Variants in NALF1 observed in about 807,000 individuals in gnomAD.
NALF1 encodes family with sequence similarity 155 member A.
In NALF1, 3 loss-of-function variants were observed where a neutral mutation model predicts 48.4. The observed-to-expected ratio is 0.06, with a 90% CI of 0.03 to 0.16. The LOEUF is 0.16. NALF1 is among the 10% of genes least tolerant of loss of function. The probability of loss-of-function intolerance (pLI) is 1.00; values close to 1 mark genes in which losing one functional copy is unlikely to be tolerated. For missense variants in NALF1, 526 were observed against 571.5 expected, an observed-to-expected ratio of 0.92 and a Z score of 0.81; for synonymous variants, 262 against 245.7, an observed-to-expected ratio of 1.07 and a Z score of -0.62.
At chr13:107,249,675 T>A (rs76359672) in intron 1 of NALF1, among the ~76,000 whole-genome samples, 2,182 of 152,246 alleles carry the variant, frequency 0.014, 56 homozygotes, top group African/African-American at 0.05. Context: ...AATTGAACTT[T>A]TATTTTGTAC....
chr13:107,795,188 TG>T (rs1878382067), intron 1 of NALF1, among the ~76,000 whole-genome samples: 1 of 152,192 alleles, frequency 6.6e-6, no homozygotes, highest in Non-Finnish European at 1.5e-5. Context: ...CCTGTGTTTC[TG>T]GATAAAATAA....
intron 1 of NALF1, among the ~76,000 whole-genome samples, chr13:107,343,353 C>A (rs1014141292): frequency 6.6e-6 from 1 of 152,128 alleles, no homozygotes; most frequent in Non-Finnish European, 1.5e-5. Flanking sequence ...TGAATTTTCA[C>A]ATGTTGTGGG....
chr13:107,175,775 T>C (rs1054270487), intron 2 of NALF1, among the ~76,000 whole-genome samples: 9 of 152,296 alleles, frequency 5.9e-5, no homozygotes, highest in African/African-American at 2.2e-4. Context: ...TTGGCAGTGC[T>C]ACCTACAGAT....
intron 1 of NALF1, among the ~76,000 whole-genome samples, chr13:107,313,092 G>A (rs1353769508): frequency 1.3e-5 from 2 of 151,984 alleles, no homozygotes; most frequent in Non-Finnish European, 2.9e-5. Context: ...AGAATACTTG[G>A]AAGATAAAAT....
chr13:107,311,253 G>C (rs1819654364), intron 1 of NALF1, among the ~76,000 whole-genome samples: 1 of 152,026 alleles, frequency 6.6e-6, no homozygotes, highest in Admixed American at 6.5e-5. Context: ...GATAATTCCT[G>C]TTCCATCCCA....
intron 1 of NALF1, among the ~76,000 whole-genome samples, chr13:107,364,009 G>A (rs1429276574): frequency 6.6e-6 from 1 of 152,086 alleles, no homozygotes; most frequent in Non-Finnish European, 1.5e-5. Context: ...TTTTCTGAAC[G>A]TTCTAATCAG....
At chr13:107,327,308 T>C (rs2138920292) in intron 1 of NALF1, among the ~76,000 whole-genome samples, 1 of 152,214 alleles carries the variant, frequency 6.6e-6, no homozygotes, top group South Asian at 2.1e-4. Flanking sequence ...CAGATGGGCC[T>C]TGGCCTGCTG....
chr13:107,783,000 C>A (rs1169484581), intron 1 of NALF1, among the ~76,000 whole-genome samples: 1 of 147,990 alleles, frequency 6.8e-6, no homozygotes, highest in Non-Finnish European at 1.5e-5. Flanking sequence ...CCAGCCGCCC[C>A]GTCCGGGAGG....
At chr13:107,389,875 G>A (rs1459989034) in intron 1 of NALF1, among the ~76,000 whole-genome samples, 2 of 152,070 alleles carry the variant, frequency 1.3e-5, no homozygotes, top group African/African-American at 4.8e-5. Flanking sequence ...GACAGTTACT[G>A]CAAAAAATTA....
intron 2 of NALF1, among the ~76,000 whole-genome samples, chr13:107,208,343 A>G (rs1017507224): frequency 1.3e-5 from 2 of 152,160 alleles, no homozygotes; most frequent in Non-Finnish European, 2.9e-5. Context: ...AGCTATGTCT[A>G]TGAAGAAGCT....
At position 107,341,407 on chromosome 13, in the gene NALF1, T is replaced by C. The variant is rs180702875; in HGVS notation, c.916-130652A>G. On this transcript the variant is annotated intron_variant, in intron 1 of 2. Transcript: ENST00000375915. ...GAGCCAGCCTCCTCAGTGCCTTGCA[T>C]TGCTGTTAAGAGGGGAAGTTCTAGG... Among the ~76,000 whole-genome samples, 640 of 152,112 alleles carry C rather than the reference T, an allele frequency of 4.2e-3. 5 individuals are homozygous for C. Among genetic ancestry groups the C allele is most frequent in the African/African-American group, 0.014 (589 of 41,504 alleles).
intron 1 of NALF1, among the ~76,000 whole-genome samples, chr13:107,338,994 C>T (rs1381342927): frequency 2.6e-5 from 4 of 151,772 alleles, no homozygotes; most frequent in African/African-American, 4.8e-5. Flanking sequence ...ATTAGCCGGG[C>T]GTGGTGGCAG....
At chr13:107,666,501 C>T (rs143920844) in intron 1 of NALF1, among the ~76,000 whole-genome samples, 1 of 152,166 alleles carries the variant, frequency 6.6e-6, no homozygotes, top group East Asian at 1.9e-4. Flanking sequence ...ATATAGGTGC[C>T]ACCGTTTTGG....
intron 1 of NALF1, among the ~76,000 whole-genome samples, chr13:107,467,910 T>C (rs1038087938): frequency 2.0e-5 from 3 of 151,856 alleles, no homozygotes; most frequent in Non-Finnish European, 4.4e-5. Context: ...TAGCCGGGCG[T>C]GGTGGCGGGC....
intron 1 of NALF1, among the ~76,000 whole-genome samples, chr13:107,574,862 G>A (rs1878089880): frequency 6.6e-6 from 1 of 152,110 alleles, no homozygotes; most frequent in Admixed American, 6.6e-5. Flanking sequence ...CAGAGATTTG[G>A]AAAAGAAAGT....
At chr13:107,806,279 T>C (rs1193935439) in intron 1 of NALF1, among the ~76,000 whole-genome samples, 2 of 152,182 alleles carry the variant, frequency 1.3e-5, no homozygotes, top group Non-Finnish European at 2.9e-5. Flanking sequence ...GGCTTAAATA[T>C]TGACCTTTTC....
intron 1 of NALF1, among the ~76,000 whole-genome samples, chr13:107,768,430 G>A (rs1038802912): frequency 3.9e-5 from 6 of 152,074 alleles, no homozygotes; most frequent in Non-Finnish European, 5.9e-5. Context: ...ATTCTAATAC[G>A]ATGGGACACA....
At chr13:107,785,050 G>A (rs1276902460) in intron 1 of NALF1, among the ~76,000 whole-genome samples, 1 of 151,688 alleles carries the variant, frequency 6.6e-6, no homozygotes, top group Non-Finnish European at 1.5e-5. Context: ...TGTGGTGTGT[G>A]TGTATGTGTC....
intron 1 of NALF1, among the ~76,000 whole-genome samples, chr13:107,576,956 C>T (rs1375715460): frequency 2.0e-5 from 3 of 152,114 alleles, no homozygotes; most frequent in South Asian, 4.1e-4. Context: ...TAAGTAAACT[C>T]GGGGTCAATT....
Sources: allele counts gnomAD v4.1 joint callset (sites outside exome capture counted in the v4.1 genomes callset), GRCh38; gene constraint gnomAD v4.1.1; transcripts MANE v1.5; gene names NCBI Gene and HGNC (gene_info 2026-07-23, HGNC 2026-07-21).